The following MAML1 variants were observed in gnomAD, a reference collection of about 807,000 sequenced individuals.
The protein encoded by MAML1 is mastermind-like protein 1.
A neutral mutation model predicts 77.1 loss-of-function variants in MAML1; 14 were observed. The observed-to-expected ratio is 0.18, with a 90% CI of 0.12 to 0.28. The LOEUF is 0.28. Ranked by LOEUF, MAML1 falls within the 10% of genes least tolerant of loss-of-function variation. The probability of loss-of-function intolerance (pLI) is 1.00; values close to 1 mark genes in which losing one functional copy is unlikely to be tolerated. For synonymous variants in MAML1, 516 were observed against 551.9 expected, an observed-to-expected ratio of 0.93 and a Z score of 0.91; for missense variants, 1,217 against 1,327.8, an observed-to-expected ratio of 0.92 and a Z score of 1.30.
At position 179,769,837 on chromosome 5, in the gene MAML1, G is replaced by A. The variant is rs2113380292; in HGVS notation, c.1971+748G>A. Among the ~76,000 whole-genome samples, 1 of 152,160 alleles carries A rather than the reference G, an allele frequency of 6.6e-6. No homozygotes were observed. The highest frequency in any genetic ancestry group is 3.4e-3 in the Middle Eastern group (1 of 292). On this transcript the variant is annotated intron_variant, in intron 3 of 4. Transcript: ENST00000292599. This position sits in a 1 kb window ranked among gnomAD's most constrained non-coding sequence, Gnocchi z 4.2. ...CAAAGTGCTGAGATTACAGGCGTGA[G>A]CCACCACGCCTGGCCTTAAATTACA...
At chr5:179,753,202 TGTGTGTGTGTGTGTGTGTGTGC>T (rs1470337895) in intron 1 of MAML1, among the ~76,000 whole-genome samples, 2 of 108,292 alleles carry the variant, frequency 1.8e-5, no homozygotes, top group Admixed American at 1.9e-4. Flanking sequence ...TGTGTGTGTG[TGTGTGTGTGTGTGTGTGTGTGC>T]GCGCGCGCGC....
chr5:179,759,478 TAAGTC>T (rs1406921470), intron 1 of MAML1, among the ~76,000 whole-genome samples: 1 of 152,238 alleles, frequency 6.6e-6, no homozygotes. Context: ...GCACATGACT[TAAGTC>T]AGGACTTCTT....
intron 1 of MAML1, among the ~76,000 whole-genome samples, chr5:179,751,442 C>T (rs1344578496): frequency 6.6e-6 from 1 of 152,208 alleles, no homozygotes; most frequent in Non-Finnish European, 1.5e-5. Flanking sequence ...ACTTCAGTGG[C>T]TGTCACCTGT....
Position 179,775,606 on chromosome 5 carries a change from G to GC in MAML1, c.*734dup, listed in dbSNP as rs1344486212. 1.0e-6 allele frequency: 1 copy of GC among 985,202 alleles called. No individual in the cohort carries two copies. The highest frequency in any genetic ancestry group is 1.1e-4 in the East Asian group (1 of 8,810). 61.0% of individuals were successfully genotyped at this position (985,202 alleles called of 1,614,324 possible). ...GCAGCTCCTCCTCCTCCCTCCCAAG[G>GC]CCCCCAGGAATCCCTTCCTCCCATG... On this transcript the variant is annotated 3_prime_UTR_variant, in exon 5 of 5. Transcript: ENST00000292599.
Position 179,774,458 on chromosome 5 carries a change from A to G in MAML1, c.2632A>G (p.Ser878Gly). The G allele has an allele frequency of 6.2e-7, 1 of 1,613,294 alleles. No individual in the cohort carries two copies. The highest frequency in any genetic ancestry group is 8.5e-7 in the Non-Finnish European group (1 of 1,180,036). Residue 878 changes from serine to glycine, a missense_variant, in exon 5 of 5, where the codon AGC becomes GGC. Physicochemically the swap from Ser to Gly is moderately conservative, Grantham distance 56 (BLOSUM62 0). Around this residue, in one of 3 missense-constraint regions of MAML1, gnomAD observed 884 missense variants for 949.3 expected, o/e 0.93. Transcript: ENST00000292599. ...MQQQAHLKMS[S>G]PQFSQAVPNR... ...GCAGCAGGCCCACCTGAAAATGTCT[A>G]GCCCGCAATTCTCCCAGGCAGTGCC...
At chr5:179,762,218 C>G (rs928547652) in intron 1 of MAML1, among the ~76,000 whole-genome samples, 1 of 152,092 alleles carries the variant, frequency 6.6e-6, no homozygotes, top group Non-Finnish European at 1.5e-5. Flanking sequence ...TGGAGATAGG[C>G]AAAGGATTAT....
At chr5:179,748,745 G>GA in intron 1 of MAML1, among the ~76,000 whole-genome samples, 1 of 152,326 alleles carries the variant, frequency 6.6e-6, no homozygotes, top group South Asian at 2.1e-4. Context: ...TGAGTTGATA[G>GA]AAAAGATTTA....
rs59680995 is a variant in MAML1 at position 179,753,184 on chromosome 5, A to AGTGT, written c.316-12106_316-12103dup. Among the ~76,000 whole-genome samples, 708 of 120,554 alleles carry AGTGT rather than the reference A, an allele frequency of 5.9e-3. 5 individuals are homozygous for AGTGT. The highest frequency in any genetic ancestry group is 0.017 in the African/African-American group (595 of 35,288). 79.1% of individuals were successfully genotyped at this position (120,554 alleles called of 152,430 possible). Reference sequence around the variant, plus strand: ...ACCTAAATCCTAGATGCTATTTTTTAGTGTGTGTGTGTGTGTGTGTGTGTG... The same window carrying AGTGT: ...ACCTAAATCCTAGATGCTATTTTTTAGTGTGTGTGTGTGTGTGTGTGTGTGTGTG... On this transcript the variant is annotated intron_variant, in intron 1 of 4. Coordinates refer to ENST00000292599, the MANE Select transcript of MAML1 (RefSeq NM_014757.5).
intron 1 of MAML1, among the ~76,000 whole-genome samples, chr5:179,762,876 A>G (rs961020836): frequency 6.6e-6 from 1 of 152,216 alleles, no homozygotes; most frequent in Non-Finnish European, 1.5e-5. Context: ...TGAGTAGTTG[A>G]CAAAATGCCC....
At chr5:179,734,022 AAT>A (rs1182188604) in intron 1 of MAML1, among the ~76,000 whole-genome samples, 20 of 152,350 alleles carry the variant, frequency 1.3e-4, no homozygotes, top group Non-Finnish European at 2.6e-4. Flanking sequence ...AGATTCCTGC[AAT>A]ATTGTTGACA....
At chr5:179,773,620 G>A (rs1371908869) in intron 4 of MAML1, 1 of 480,790 alleles carries the variant, frequency 2.1e-6, no homozygotes, top group Admixed American at 6.4e-5. Context: ...GGTCCCCACA[G>A]AGCAGAAATT....
At chr5:179,755,382 A>C (rs1017900537) in intron 1 of MAML1, among the ~76,000 whole-genome samples, 1 of 152,238 alleles carries the variant, frequency 6.6e-6, no homozygotes, top group African/African-American at 2.4e-5. Flanking sequence ...TGAGCATTAG[A>C]CTTGGCCCTG....
intron 1 of MAML1, among the ~76,000 whole-genome samples, chr5:179,750,507 C>CAGGA (rs1441603919): frequency 2.6e-5 from 4 of 152,146 alleles, no homozygotes; most frequent in Non-Finnish European, 4.4e-5. Context: ...GACTCCCAGG[C>CAGGA]AGGAGTACAG....
chr5:179,733,060 CAGCCGGCCCCGAGAG>C lies in MAML1; in HGVS notation c.-52_-38del, dbSNP rs1287672792. ...CCGCGGGGAGCGAAGCCCGCAGTGC[CAGCCGGCCCCGAGAG>C]GCCCGGCCCCGGGCCCGGCCCGTGC... On this transcript the variant is annotated 5_prime_UTR_variant, in exon 1 of 5. Transcript: ENST00000292599. 8.7e-7 allele frequency: 1 copy of C among 1,149,456 alleles called. No individual in the cohort carries two copies. Among genetic ancestry groups the C allele is most frequent in the Non-Finnish European group, 1.1e-6 (1 of 909,790 alleles). The allele number at this position is 1,149,456 out of a possible 1,614,324, so 71.2% of individuals were successfully genotyped here.
At chr5:179,765,254 C>T in intron 1 of MAML1, 72 bp from the exon 2 acceptor site, 1 of 1,318,696 alleles carries the variant, frequency 7.6e-7, no homozygotes, top group Non-Finnish European at 1.1e-6. Flanking sequence ...GGGACATCAG[C>T]CCTTGGCTTG....
At position 179,775,304 on chromosome 5, in the gene MAML1, T is replaced by G. The variant is rs975881357; in HGVS notation, c.*427T>G. ...TTGAAACTTTAGATAGCAGAATTAT[T>G]TGCAATTTGTAGCATAGAAAAGATT... On this transcript the variant is annotated 3_prime_UTR_variant, in exon 5 of 5. Coordinates refer to ENST00000292599, the MANE Select transcript of MAML1 (RefSeq NM_014757.5). The G allele has an allele frequency of 1.0e-6, 1 of 990,896 alleles. No individual in the cohort carries two copies. The highest frequency in any genetic ancestry group is 1.2e-6 in the Non-Finnish European group (1 of 833,876). The allele number at this position is 990,896 out of a possible 1,614,324, so 61.4% of individuals were successfully genotyped here.
chr5:179,745,859 CAAAAAAAAAA>C (rs36036714), intron 1 of MAML1, among the ~76,000 whole-genome samples: 5 of 63,462 alleles, frequency 7.9e-5, no homozygotes, highest in African/African-American at 2.9e-4. Context: ...AACTCCGTCT[CAAAAAAAAAA>C]AAAAAAAAAA....
chr5:179,764,289 A>T (rs1002288353), intron 1 of MAML1, among the ~76,000 whole-genome samples: 1 of 152,150 alleles, frequency 6.6e-6, no homozygotes, highest in Admixed American at 6.5e-5. Context: ...GCATGAATCC[A>T]TCGAGGAGCA....
At chr5:179,735,895 G>A (rs1779158907) in intron 1 of MAML1, among the ~76,000 whole-genome samples, 2 of 146,062 alleles carry the variant, frequency 1.4e-5, no homozygotes, top group South Asian at 2.2e-4. Flanking sequence ...TCCTTGTTGG[G>A]CAGGCTGGTC....
Sources: gnomAD v4.1 joint callset for allele counts (sites outside exome capture counted in the v4.1 genomes callset) on GRCh38, gnomAD v4.1.1 for gene constraint, gnomAD v4.1.1 regional missense constraint, Gnocchi (gnomAD v3.1) non-coding constraint, MANE v1.5 for transcripts, NCBI Gene and HGNC (gene_info 2026-07-23, HGNC 2026-07-21) for gene names.